Variants in SHISA9 observed in about 807,000 individuals in gnomAD.
SHISA9 encodes shisa family member 9.
SHISA9 carries 13 observed loss-of-function variants against 38.0 expected under a neutral mutation model. The observed-to-expected ratio is 0.34, with a 90% CI of 0.22 to 0.54. SHISA9 has a LOEUF of 0.54. SHISA9 is among the 20% of genes least tolerant of loss of function. The pLI is 0.91. For synonymous variants in SHISA9, 275 were observed against 242.0 expected, an observed-to-expected ratio of 1.14 and a Z score of -1.27; for missense variants, 538 against 575.8, an observed-to-expected ratio of 0.93 and a Z score of 0.67.
chr16:13,251,915 A>G, the SHISA9 span, among the ~76,000 whole-genome samples: 1 of 152,136 alleles, frequency 6.6e-6, no homozygotes, highest in Non-Finnish European at 1.5e-5. Context: ...CAGGAAATGT[A>G]ACCTGTCCAC....
At chr16:12,911,234 T>A (rs1000067241) in intron 1 of SHISA9, 4 of 984,414 alleles carry the variant, frequency 4.1e-6, no homozygotes, top group Non-Finnish European at 4.8e-6. Context: ...TTTAACAAGA[T>A]CCCCAGGTGA....
the SHISA9 span, among the ~76,000 whole-genome samples, chr16:13,367,502 T>G: frequency 0.011 from 1,610 of 151,838 alleles, 15 homozygotes; most frequent in Middle Eastern, 0.034. Context: ...ATTAAGCCAT[T>G]GGCTCAAATT....
At chr16:13,409,443 G>A in the SHISA9 span, among the ~76,000 whole-genome samples, 1 of 152,186 alleles carries the variant, frequency 6.6e-6, no homozygotes, top group African/African-American at 2.4e-5. Flanking sequence ...AAGGCTAAAA[G>A]AGCCCAGTGT....
chr16:13,420,728 T>A, the SHISA9 span, among the ~76,000 whole-genome samples: 5 of 152,196 alleles, frequency 3.3e-5, no homozygotes, highest in Non-Finnish European at 7.4e-5. Context: ...ATTGGAGGGC[T>A]GACTGGGAGC....
the SHISA9 span, among the ~76,000 whole-genome samples, chr16:13,295,626 G>A: frequency 1.9e-4 from 28 of 150,552 alleles, no homozygotes; most frequent in South Asian, 2.1e-4. Context: ...TTTTCACCTC[G>A]GGGGGTTCAA....
chr16:13,425,861 A>G, the SHISA9 span, among the ~76,000 whole-genome samples: 1 of 152,176 alleles, frequency 6.6e-6, no homozygotes, highest in Non-Finnish European at 1.5e-5. Flanking sequence ...AGCCACAGGA[A>G]GACCCCAGAG....
the SHISA9 span, among the ~76,000 whole-genome samples, chr16:13,509,121 G>A: frequency 6.6e-6 from 1 of 152,104 alleles, no homozygotes; most frequent in African/African-American, 2.4e-5. Flanking sequence ...TAATCACACA[G>A]TGGAGGTGCT....
Position 13,239,817 on chromosome 16 carries a change from G to A in SHISA9, c.*4408G>A, listed in dbSNP as rs975862428. ...CACTCTGATGGTAGTTTCTTTTGCT[G>A]TGCAGAAGCTCTTTAGTTTAATTAG... On this transcript the variant is annotated 3_prime_UTR_variant, in exon 5 of 5. Transcript: ENST00000558583. 7.2e-5 allele frequency: 11 copies of A among 152,002 alleles called. No homozygotes were observed. Among genetic ancestry groups the A allele is most frequent in the Non-Finnish European group, 1.3e-4 (9 of 68,004 alleles). 9.4% of individuals were successfully genotyped at this position (152,002 alleles called of 1,614,324 possible).
At chr16:13,309,614 G>A in the SHISA9 span, among the ~76,000 whole-genome samples, 1 of 143,978 alleles carries the variant, frequency 6.9e-6, no homozygotes, top group Non-Finnish European at 1.5e-5. Flanking sequence ...CTGTACTCCA[G>A]CCTGGGTGAC....
chr16:12,955,292 C>T (rs922961794), intron 2 of SHISA9, among the ~76,000 whole-genome samples: 1 of 152,084 alleles, frequency 6.6e-6, no homozygotes, highest in Admixed American at 6.6e-5. Context: ...TCCTCATTTT[C>T]TTGCCAAGTG....
the SHISA9 span, among the ~76,000 whole-genome samples, chr16:13,501,331 A>T: frequency 6.6e-6 from 1 of 152,154 alleles, no homozygotes; most frequent in Admixed American, 6.5e-5. Flanking sequence ...AGGTGAACAT[A>T]TGTGTGAAAA....
the SHISA9 span, among the ~76,000 whole-genome samples, chr16:13,296,418 G>A: frequency 5.9e-5 from 9 of 151,558 alleles, no homozygotes; most frequent in African/African-American, 1.7e-4. Context: ...TTTTTGAACA[G>A]CACGCAGGGG....
At chr16:12,994,791 A>G (rs1297810439) in intron 2 of SHISA9, among the ~76,000 whole-genome samples, 1 of 152,110 alleles carries the variant, frequency 6.6e-6, no homozygotes, top group Admixed American at 6.5e-5. Flanking sequence ...GGAGGTGGCA[A>G]GGATGTCCGT....
chr16:13,191,256 A>G (rs942221623), intron 2 of SHISA9, among the ~76,000 whole-genome samples: 1 of 152,214 alleles, frequency 6.6e-6, no homozygotes, highest in Non-Finnish European at 1.5e-5. Context: ...GAGACTAACT[A>G]GTGCAATTGG....
chr16:13,531,463 G>C, the SHISA9 span, among the ~76,000 whole-genome samples: 1 of 152,168 alleles, frequency 6.6e-6, no homozygotes, highest in Admixed American at 6.5e-5. Context: ...ACTCAGTTCA[G>C]AGAGGTCGAG....
chr16:13,433,044 C>T, the SHISA9 span, among the ~76,000 whole-genome samples: 2 of 151,320 alleles, frequency 1.3e-5, no homozygotes, highest in African/African-American at 2.4e-5. Flanking sequence ...AACATACCTG[C>T]ACTTGTAACC....
At chr16:13,180,896 C>T (rs1285771923) in intron 2 of SHISA9, among the ~76,000 whole-genome samples, 2 of 152,066 alleles carry the variant, frequency 1.3e-5, no homozygotes, top group Non-Finnish European at 2.9e-5. Context: ...TCAGGAGACA[C>T]CTGATGGAAT....
At chr16:12,982,959 A>G (rs1033909718) in intron 2 of SHISA9, among the ~76,000 whole-genome samples, 1 of 152,240 alleles carries the variant, frequency 6.6e-6, no homozygotes, top group East Asian at 1.9e-4. Flanking sequence ...ATGAAGATGT[A>G]AGAAGCCAAT....
the SHISA9 span, among the ~76,000 whole-genome samples, chr16:13,391,106 G>C: frequency 2.2e-4 from 34 of 152,260 alleles, no homozygotes; most frequent in African/African-American, 8.2e-4. Context: ...GTGACAGTAA[G>C]AGGAAGAGAA....
Sources: gnomAD v4.1 joint callset for allele counts (sites outside exome capture counted in the v4.1 genomes callset) on GRCh38, gnomAD v4.1.1 for gene constraint, MANE v1.5 for transcripts, NCBI Gene and HGNC (gene_info 2026-07-23, HGNC 2026-07-21) for gene names.